PARP11: variants seen among roughly 807,000 people sequenced by gnomAD.
PARP11 encodes protein mono-ADP-ribosyltransferase PARP11.
In PARP11, 31 loss-of-function variants were observed where a neutral mutation model predicts 42.9. The ratio of observed to expected loss-of-function variants is 0.72; its 90% confidence interval spans 0.54 to 0.98. The LOEUF (loss-of-function observed/expected upper bound fraction) is 0.98. Ranked by LOEUF, PARP11 falls within the 50% of genes least tolerant of loss-of-function variation. The pLI is 0.00. For synonymous variants in PARP11, 137 were observed against 127.3 expected (o/e 1.08, Z -0.51); for missense variants, 365 against 413.1 (o/e 0.88, Z 1.01).
intron 1 of PARP11, chr12:3,842,068 C>CA (rs1476697099): frequency 3.1e-6 from 5 of 1,608,548 alleles, no homozygotes; most frequent in African/African-American, 1.3e-5. Context: ...CCCTCCCACT[C>CA]AGATTCTAAA....
At chr12:3,828,674 T>C (rs1353659761) in intron 3 of PARP11, among the ~76,000 whole-genome samples, 2 of 152,132 alleles carry the variant, frequency 1.3e-5, no homozygotes, top group East Asian at 3.9e-4. Flanking sequence ...ATGCACTTAA[T>C]ATATAAGACA....
rs1374672852 is a variant in PARP11, at chr12:3,809,350, C to T, written c.*2773G>A. The T allele has an allele frequency of 6.7e-6, 1 of 148,830 alleles. No individual in the cohort carries two copies. The allele number at this position is 148,830 out of a possible 1,614,324, so 9.2% of individuals were successfully genotyped here. A position where few individuals can be genotyped will look rare whatever the true frequency, so the allele number is the denominator to read the frequency against. ...AAATATGTATCAAAATCAGTTCTCT[C>T]TTATAAAAGAGGGGTTGGCAGTACA... On this transcript the variant is annotated 3_prime_UTR_variant, in exon 8 of 8. Coordinates refer to ENST00000228820, the MANE Select transcript of PARP11 (RefSeq NM_020367.6).
chr12:3,839,111 G>A (rs1320140785), intron 1 of PARP11, among the ~76,000 whole-genome samples: 1 of 151,540 alleles, frequency 6.6e-6, no homozygotes, highest in Non-Finnish European at 1.5e-5. Context: ...GCATTAGGCA[G>A]GGCTCCCCTA....
At position 3,870,365 on chromosome 12, in the gene PARP11, CTT is replaced by C. The variant is rs369999655; in HGVS notation, c.18+2845_18+2846del. Among the ~76,000 whole-genome samples, 7 of 152,320 alleles carry C rather than the reference CTT, an allele frequency of 4.6e-5. No homozygotes were observed. In the East Asian group the frequency reaches 1.3e-3, roughly 29 times the overall value. ...GAGATGATCTGTGGAGGATTCCCCA[CTT>C]TTAACAAAAGTCAGCCTGCTCTGCT... On this transcript the variant is annotated intron_variant, in intron 1 of 7. Transcript: ENST00000228820.
In PARP11 at chr12:3,812,135, T is replaced by A; in HGVS notation, c.1005A>T (p.Ile335=). 6.3e-7 allele frequency: 1 copy of A among 1,598,152 alleles called. No individual in the cohort carries two copies. The highest frequency in any genetic ancestry group is 8.5e-7 in the Non-Finnish European group (1 of 1,172,738). ...DANQIYPEYL[I]DFH is the part of the protein sequence containing the mutation. ...TTTGGAAGTGAAATCAATGAAAGTCTATCAAGTACTCAGGATAGATTTGGT... is the reference window on the plus strand; with the variant it reads ...TTTGGAAGTGAAATCAATGAAAGTCAATCAAGTACTCAGGATAGATTTGGT... Residue 335 remains isoleucine, a synonymous_variant, in exon 8 of 8, where the codon ATA becomes ATT. Coordinates refer to ENST00000228820, the MANE Select transcript of PARP11 (RefSeq NM_020367.6).
chr12:3,816,550 C>G (rs766035091), intron 6 of PARP11, among the ~76,000 whole-genome samples: 1 of 152,228 alleles, frequency 6.6e-6, no homozygotes, highest in East Asian at 1.9e-4. Context: ...TCTAAGGGGC[C>G]TATCCATCTA....
intron 1 of PARP11, among the ~76,000 whole-genome samples, chr12:3,831,613 G>T (rs1010809493): frequency 6.6e-6 from 1 of 152,064 alleles, no homozygotes; most frequent in Non-Finnish European, 1.5e-5. Context: ...CCTCAATGAA[G>T]GGGGTTTGTT....
chr12:3,820,038 C>A (rs1255462934), intron 6 of PARP11, among the ~76,000 whole-genome samples: 1 of 152,222 alleles, frequency 6.6e-6, no homozygotes, highest in South Asian at 2.1e-4. Flanking sequence ...ACATCCCCTA[C>A]TTTTGTTGGC....
rs10687780 is a variant in PARP11, at chr12:3,810,706, G to GATAGA, written c.*1416_*1417insTCTAT. 7.4e-6 allele frequency: 1 copy of GATAGA among 135,620 alleles called. No individual in the cohort carries two copies. Among genetic ancestry groups the GATAGA allele is most frequent in the African/African-American group, 3.1e-5 (1 of 32,124 alleles). 8.4% of individuals were successfully genotyped at this position (135,620 alleles called of 1,614,324 possible). A position where few individuals can be genotyped will look rare whatever the true frequency, so the allele number is the denominator to read the frequency against. ...AGGAAAGAAAGAAGGAAGGAAGAGA[G>GATAGA]AGAGAAGAGAAGAGAAAGAGAAAGA... On this transcript the variant is annotated 3_prime_UTR_variant, in exon 8 of 8. Coordinates refer to ENST00000228820, the MANE Select transcript of PARP11 (RefSeq NM_020367.6).
intron 1 of PARP11, among the ~76,000 whole-genome samples, chr12:3,832,999 T>C (rs951909645): frequency 2.6e-5 from 4 of 152,220 alleles, no homozygotes; most frequent in Non-Finnish European, 4.4e-5. Context: ...TCAGTCTGAA[T>C]CATCAAATTG....
chr12:3,851,999 G>A (rs965855886), intron 1 of PARP11, among the ~76,000 whole-genome samples: 10 of 152,198 alleles, frequency 6.6e-5, no homozygotes, highest in African/African-American at 2.4e-4. Context: ...ACAGGTTCTG[G>A]AGTGGACCTC....
chr12:3,817,656 G>A (rs1398923376), intron 6 of PARP11, among the ~76,000 whole-genome samples: 2 of 152,102 alleles, frequency 1.3e-5, no homozygotes, highest in Non-Finnish European at 2.9e-5. Flanking sequence ...AAGTACTGTC[G>A]CACCCACTTC....
chr12:3,813,974 T>C, intron 7 of PARP11, 63 bp downstream of exon 7: 5 of 1,243,306 alleles, frequency 4.0e-6, no homozygotes. Context: ...TATATTTATA[T>C]TCCTCTAAAA....
intron 4 of PARP11, chr12:3,824,553 T>TGAC: frequency 1.6e-6 from 1 of 626,418 alleles, no homozygotes; most frequent in Non-Finnish European, 2.0e-6. Flanking sequence ...CAGCACCTAC[T>TGAC]GACCTTCAAC....
At chr12:3,872,577 C>A (rs1276951256) in intron 1 of PARP11, 9 of 985,336 alleles carry the variant, frequency 9.1e-6, no homozygotes, top group East Asian at 2.3e-4. Context: ...GTCCACCGAA[C>A]GAAAACATCT....
intron 6 of PARP11, among the ~76,000 whole-genome samples, chr12:3,819,765 A>G (rs1447086051): frequency 6.6e-6 from 1 of 152,168 alleles, no homozygotes; most frequent in Non-Finnish European, 1.5e-5. Flanking sequence ...CTCTGGTTCA[A>G]TCCAACTCAA....
At chr12:3,830,137 C>CT in intron 1 of PARP11, 119 bp from the exon 2 acceptor site, 2 of 794,362 alleles carry the variant, frequency 2.5e-6, no homozygotes, top group Non-Finnish European at 3.9e-6. Flanking sequence ...TCCCATGACA[C>CT]TTTAAAAACA....
At chr12:3,844,327 T>G (rs370886985) in intron 1 of PARP11, among the ~76,000 whole-genome samples, 9 of 152,340 alleles carry the variant, frequency 5.9e-5, no homozygotes, top group East Asian at 5.8e-4. Context: ...CCTTCTAAAC[T>G]AGAATAGTTG....
At chr12:3,839,593 C>G in intron 1 of PARP11, 1 of 1,252,936 alleles carries the variant, frequency 8.0e-7, no homozygotes, top group Non-Finnish European at 1.2e-6. Flanking sequence ...GGAAAATCCA[C>G]AGGAATGGGT....
Sources: allele counts gnomAD v4.1 joint callset (sites outside exome capture counted in the v4.1 genomes callset), GRCh38; gene constraint gnomAD v4.1.1; transcripts MANE v1.5; gene names NCBI Gene and HGNC (gene_info 2026-07-23, HGNC 2026-07-21).